The following TIMM23 variants were observed in gnomAD, a reference collection of about 807,000 sequenced individuals.
The protein encoded by TIMM23 is mitochondrial import inner membrane translocase subunit Tim23.
A neutral mutation model predicts 30.7 loss-of-function variants in TIMM23; 19 were observed. The observed-to-expected ratio is 0.62, with a 90% CI of 0.43 to 0.91. The LOEUF (loss-of-function observed/expected upper bound fraction) is 0.91, where lower values mean the gene tolerates loss of function less well. TIMM23 is among the 40% of genes least tolerant of loss of function. TIMM23 has a pLI of 0.00. For missense variants in TIMM23, 202 were observed against 269.2 expected (o/e 0.75, Z 1.75); for synonymous variants, 78 against 98.5 (o/e 0.79, Z 1.23).
rs1837884273 is a variant in TIMM23 at position 45,982,751 on chromosome 10, A to T, written c.260-95A>T. The T allele has an allele frequency of 3.2e-6, 5 of 1,578,640 alleles. No individual in the cohort carries two copies. In the South Asian group the frequency reaches 4.7e-5, roughly 15 times the overall value. On this transcript the variant is annotated intron_variant, in intron 3 of 6. Transcript: ENST00000580018. ...CATTTGTCTTTTTCTATTAAATAAA[A>T]ATGAAAAAGAATCAGAAGTGTAGTT... is the stretch of plus-strand genomic sequence containing the variant.
intron 5 of TIMM23, among the ~76,000 whole-genome samples, chr10:45,985,782 A>G (rs1319022814): frequency 1.4e-4 from 21 of 152,232 alleles, no homozygotes; most frequent in African/African-American, 1.9e-4. Context: ...GCAAGGTTCA[A>G]GGTCCTGTAG....
At chr10:45,991,561 G>A (rs1338202662) in intron 6 of TIMM23, among the ~76,000 whole-genome samples, 76 of 152,264 alleles carry the variant, frequency 5.0e-4, no homozygotes, top group African/African-American at 1.7e-3. Context: ...AGACCAGCCT[G>A]ACCAACATAG....
chr10:45,996,511 A>G (rs1838337782), intron 6 of TIMM23, among the ~76,000 whole-genome samples: 1 of 151,284 alleles, frequency 6.6e-6, no homozygotes. Flanking sequence ...AAATGAAACA[A>G]GTTCCATTAA....
chr10:45,982,615 A>C lies in TIMM23; in HGVS notation c.258A>C (p.Thr86=). 6.2e-7 allele frequency: 1 copy of C among 1,613,958 alleles called. No individual in the cohort carries two copies. Among genetic ancestry groups the C allele is most frequent in the Non-Finnish European group, 8.5e-7 (1 of 1,179,856 alleles). The change falls in exon 3 of 7, where the codon ACA becomes ACC. Residue 86 remains threonine, a splice_region_variant and synonymous_variant. Coordinates refer to ENST00000580018, the MANE Select transcript of TIMM23 (RefSeq NM_006327.4). ...TTACGATTGGAGGATGTTGCATGAC[A>C]GGTGAGTGTTACATACTTTTTTCTC... ...AFFTIGGCCM[T]GAAFGAMNGL...
rs1201519081 is a variant in TIMM23, at chr10:45,972,544, C to T, written c.-81C>T. On this transcript the variant is annotated 5_prime_UTR_variant, in exon 1 of 7. Coordinates refer to ENST00000580018, the MANE Select transcript of TIMM23 (RefSeq NM_006327.4). ...TAGGCGCTGGCAACGCGGGGTTACC[C>T]GCTGTTATTGAGGAGTAACGGCCCA... The T allele has an allele frequency of 2.0e-6, 3 of 1,522,342 alleles. No homozygotes were observed. Among genetic ancestry groups the T allele is most frequent in the African/African-American group, 2.8e-5 (2 of 71,686 alleles). The allele number at this position is 1,522,342 out of a possible 1,614,324, so 94.3% of individuals were successfully genotyped here.
chr10:45,986,051 A>T (rs1222326441), intron 5 of TIMM23, among the ~76,000 whole-genome samples: 2 of 152,214 alleles, frequency 1.3e-5, no homozygotes, highest in Non-Finnish European at 2.9e-5. Flanking sequence ...CTGACATCCA[A>T]AATTTTCCTA....
At chr10:46,001,661 G>A (rs1243478791) in intron 6 of TIMM23, among the ~76,000 whole-genome samples, 1 of 152,094 alleles carries the variant, frequency 6.6e-6, no homozygotes, top group Non-Finnish European at 1.5e-5. Flanking sequence ...CTCTACCTCT[G>A]TCTCCCTAAC....
chr10:45,975,641 T>G, intron 2 of TIMM23, 129 bp downstream of exon 2: 1 of 1,209,814 alleles, frequency 8.3e-7, no homozygotes, highest in Non-Finnish European at 1.2e-6. Flanking sequence ...ATTCACCCTT[T>G]TTTCCTCACA....
intron 6 of TIMM23, among the ~76,000 whole-genome samples, chr10:45,998,733 C>T (rs1387456779): frequency 1.3e-5 from 2 of 151,304 alleles, no homozygotes; most frequent in African/African-American, 2.4e-5. Context: ...TAAGAAGTAA[C>T]TTCATCGATT....
At chr10:45,978,918 G>C (rs1242780080) in intron 2 of TIMM23, among the ~76,000 whole-genome samples, 2 of 152,164 alleles carry the variant, frequency 1.3e-5, no homozygotes, top group Admixed American at 6.5e-5. Context: ...GGATAAAAAA[G>C]TGTGGCATAT....
chr10:45,980,607 G>GTCTTTTCTT (rs1590114067), intron 2 of TIMM23, among the ~76,000 whole-genome samples: 5 of 151,662 alleles, frequency 3.3e-5, no homozygotes, highest in African/African-American at 7.3e-5. Context: ...AATTAAAAAA[G>GTCTTTTCTT]TTTTTTCTTT....
intron 1 of TIMM23, among the ~76,000 whole-genome samples, chr10:45,973,970 A>C (rs1198652950): frequency 6.6e-6 from 1 of 152,082 alleles, no homozygotes; most frequent in East Asian, 1.9e-4. Flanking sequence ...ACACAGTTTC[A>C]TATTAATCTT....
chr10:46,000,014 ATC>A (rs1489176912), intron 6 of TIMM23, among the ~76,000 whole-genome samples: 1 of 152,326 alleles, frequency 6.6e-6, no homozygotes. Context: ...GTTTAAGGTT[ATC>A]TCTCTTATTC....
In TIMM23 at chr10:45,975,331, A is replaced by G. The variant is rs587609337; in HGVS notation, c.107-123A>G. On this transcript the variant is annotated intron_variant, in intron 1 of 6. Coordinates refer to ENST00000580018, the MANE Select transcript of TIMM23 (RefSeq NM_006327.4). ...GATAGGGAGGATAAAATGGGAAAAAATTTTCCGCCTTCAGTGAGCCTATAA... is the reference window on the plus strand; with the variant it reads ...GATAGGGAGGATAAAATGGGAAAAAGTTTTCCGCCTTCAGTGAGCCTATAA... 3,313 of 1,360,800 alleles carry G rather than the reference A, an allele frequency of 2.4e-3. 5 individuals are homozygous for G. Among genetic ancestry groups the G allele is most frequent in the Non-Finnish European group, 2.7e-3 (2,572 of 962,516 alleles). The allele number at this position is 1,360,800 out of a possible 1,614,324, so 84.3% of individuals were successfully genotyped here.
At chr10:45,998,520 G>A in intron 6 of TIMM23, 1 of 438,768 alleles carries the variant, frequency 2.3e-6, no homozygotes, top group Non-Finnish European at 3.0e-6. Flanking sequence ...GTGTAGAGTT[G>A]TTTGAGTAAA....
chr10:45,997,007 GC>G (rs1838359896), intron 6 of TIMM23, among the ~76,000 whole-genome samples: 1 of 150,332 alleles, frequency 6.7e-6, no homozygotes, highest in African/African-American at 2.4e-5. Flanking sequence ...AGAGGCCAAG[GC>G]AGGCAAATGG....
intron 5 of TIMM23, among the ~76,000 whole-genome samples, chr10:45,986,804 C>T (rs1405550878): frequency 4.7e-5 from 7 of 149,498 alleles, no homozygotes; most frequent in South Asian, 4.2e-4. Context: ...ACTAGAAATA[C>T]GTGTGTGTGT....
At position 45,995,382 on chromosome 10, in the gene TIMM23, G is replaced by A. The variant is rs1838298612; in HGVS notation, c.514+6535G>A. 4.0e-5 allele frequency among the ~76,000 whole-genome samples: 6 copies of A among 149,712 alleles called. No individual in the cohort carries two copies. The South Asian group carries it at 1.3e-3, about 32-fold the overall frequency. On this transcript the variant is annotated intron_variant, in intron 6 of 6. Coordinates refer to ENST00000580018, the MANE Select transcript of TIMM23 (RefSeq NM_006327.4). ...CCTTGTGTTAGAAAATGGAGTGGAG[G>A]GGGCTGAGCTGGAGCTTCCATGCCT...
intron 5 of TIMM23, among the ~76,000 whole-genome samples, chr10:45,985,827 T>G (rs1193692591): frequency 6.6e-6 from 1 of 152,242 alleles, no homozygotes; most frequent in Admixed American, 6.5e-5. Flanking sequence ...CCTCTTGCTA[T>G]GTTTTCTTAA....
Sources: allele counts gnomAD v4.1 joint callset (sites outside exome capture counted in the v4.1 genomes callset), GRCh38; gene constraint gnomAD v4.1.1; transcripts MANE v1.5; gene names NCBI Gene and HGNC (gene_info 2026-07-23, HGNC 2026-07-21).